Variants in NLRP12 observed in about 807,000 individuals in gnomAD.
The protein encoded by NLRP12 is NLR family pyrin domain containing 12, also known as NACHT, LRR and PYD domains-containing protein 12.
In NLRP12, 108 loss-of-function variants were observed where a neutral mutation model predicts 91.2. The ratio of observed to expected loss-of-function variants is 1.18; its 90% confidence interval spans 1.01 to 1.39. The LOEUF (loss-of-function observed/expected upper bound fraction) is 1.39. NLRP12 is among the 40% of genes most tolerant of loss of function. The pLI, the probability that NLRP12 is intolerant of heterozygous loss-of-function variation, is 0.00. For synonymous variants in NLRP12, 613 were observed against 566.7 expected, an observed-to-expected ratio of 1.08 and a Z score of -1.16; for missense variants, 1,530 against 1,352.7, an observed-to-expected ratio of 1.13 and a Z score of -2.06.
chr19:53,805,232 C>A, intron 5 of NLRP12, 48 bp downstream of exon 5: 1 of 1,574,096 alleles, frequency 6.4e-7, no homozygotes, highest in South Asian at 1.1e-5. Flanking sequence ...ATTTCATGCC[C>A]CAGGAGACAA....
rs1487798891 is a variant in NLRP12, at chr19:53,796,005, G to A, written c.2952C>T (p.Ala984=). Residue 984 remains alanine (A), a synonymous_variant, in exon 9 of 10, where the codon GCC becomes GCT. Coordinates refer to ENST00000324134, the MANE Select transcript of NLRP12 (RefSeq NM_144687.4). ...KLWLDSCGLT[A]KACENLYFTL... is the part of the protein sequence containing the mutation. ...TGAAGTAAAGATTCTCACAAGCCTT[G>A]GCTGTGAGGCCACAGCTATCCAGCC... The A allele has an allele frequency of 3.7e-6, 6 of 1,613,998 alleles. No homozygotes were observed. Among genetic ancestry groups the A allele is most frequent in the Non-Finnish European group, 5.1e-6 (6 of 1,180,014 alleles).
rs776232316 is a variant in NLRP12 at position 53,810,627 on chromosome 19, G to A, written c.1032C>T (p.Pro344=). 7.4e-6 allele frequency: 12 copies of A among 1,614,062 alleles called. No individual in the cohort carries two copies. Among genetic ancestry groups the A allele is most frequent in the Non-Finnish European group, 1.0e-5 (12 of 1,180,018 alleles). ...GACGGTGGAGCTTCTCCAAAGCCGT[G>A]GGCCGTGTGGTGATGAGCAAAGATA... ...PELSLLITTR[P]TALEKLHRLL... The change falls in exon 3 of 10, where the codon CCC becomes CCT. Residue 344 remains proline (P), a synonymous_variant. Coordinates refer to ENST00000324134, the MANE Select transcript of NLRP12 (RefSeq NM_144687.4).
intron 1 of NLRP12, among the ~76,000 whole-genome samples, chr19:53,820,230 A>T (rs911392416): frequency 6.6e-6 from 1 of 152,076 alleles, no homozygotes; most frequent in African/African-American, 2.4e-5. Context: ...GAGAAATTAC[A>T]TTAAAAACCA....
At chr19:53,809,541 ACAC>A in intron 3 of NLRP12, 43 bp downstream of exon 3, 117 of 1,425,402 alleles carry the variant, frequency 8.2e-5, no homozygotes, top group Non-Finnish European at 1.0e-4. Context: ...AAAAAAAAAA[ACAC>A]ACGAACCTAA....
Position 53,794,004 on chromosome 19 carries a change from C to G in NLRP12, c.*45G>C. The G allele has an allele frequency of 7.3e-7, 1 of 1,360,822 alleles. No homozygotes were observed. The highest frequency in any genetic ancestry group is 1.1e-6 in the Non-Finnish European group (1 of 948,980). The allele number at this position is 1,360,822 out of a possible 1,614,324, so 84.3% of individuals were successfully genotyped here. The stretch of plus-strand genomic sequence containing the variant: ...GGGGGGGTGATGAGCACCCTCCCAT[C>G]TTCCTCTGTCCAGATCTCAGGGGAG... On this transcript the variant is annotated 3_prime_UTR_variant, in exon 10 of 10. Coordinates refer to ENST00000324134, the MANE Select transcript of NLRP12 (RefSeq NM_144687.4).
rs1287936558 is a variant in NLRP12 at position 53,819,349 on chromosome 19, A to G, written c.290-4361T>C. The stretch of plus-strand genomic sequence containing the variant: ...AACCTCCGCCTCCCGGGTTCAAGTG[A>G]TTCTCCTGCCTCAGCCTCCCAAGTA... On this transcript the variant is annotated intron_variant, in intron 1 of 9. Coordinates refer to ENST00000324134, the MANE Select transcript of NLRP12 (RefSeq NM_144687.4). Among the ~76,000 whole-genome samples, 9 of 140,382 alleles carry G rather than the reference A, an allele frequency of 6.4e-5. No homozygotes were observed. The Admixed American group carries it at 6.8e-4, about 11-fold the overall frequency. 92.1% of individuals were successfully genotyped at this position (140,382 alleles called of 152,430 possible).
In NLRP12 at chr19:53,802,557, A is replaced by G. The variant is rs1011383571; in HGVS notation, c.2586-1160T>C. Among the ~76,000 whole-genome samples the G allele has an allele frequency of 2.6e-5, 4 of 151,944 alleles. No individual in the cohort carries two copies. The East Asian group carries it at 7.9e-4, about 30-fold the overall frequency. ...CCCGTCTCTACTAAAAATACAAAAA[A>G]TTAGCCAAGCGTGGTGGCAGGCGCC... On this transcript the variant is annotated intron_variant, in intron 6 of 9. Transcript: ENST00000324134.
At chr19:53,800,117 G>A (rs972283993) in intron 7 of NLRP12, among the ~76,000 whole-genome samples, 7 of 152,140 alleles carry the variant, frequency 4.6e-5, no homozygotes, top group South Asian at 2.1e-4. Context: ...TGGCTAACAC[G>A]GTGAAACCCC....
intron 2 of NLRP12, among the ~76,000 whole-genome samples, chr19:53,814,090 C>A (rs2092121018): frequency 6.6e-6 from 1 of 152,152 alleles, no homozygotes; most frequent in South Asian, 2.1e-4. Flanking sequence ...GTCTACCCAG[C>A]AGACTGTACC....
chr19:53,794,408 C>T (rs1041500622), intron 9 of NLRP12, among the ~76,000 whole-genome samples: 3 of 149,928 alleles, frequency 2.0e-5, no homozygotes, highest in Admixed American at 1.3e-4. Context: ...CAACCTCCAC[C>T]TCCCAGGTTC....
chr19:53,815,855 C>CG (rs1417332745), intron 1 of NLRP12, among the ~76,000 whole-genome samples: 93 of 152,090 alleles, frequency 6.1e-4, no homozygotes, highest in African/African-American at 2.1e-3. Context: ...CGTGATCCAC[C>CG]CAACTCGGCC....
intron 6 of NLRP12, among the ~76,000 whole-genome samples, chr19:53,802,335 CAAT>C (rs765424939): frequency 1.2e-4 from 18 of 152,080 alleles, no homozygotes; most frequent in Non-Finnish European, 2.2e-4. Flanking sequence ...TGCTCAATCT[CAAT>C]AATCATTGGG....
chr19:53,806,679 C>CAAA (rs58275455), intron 4 of NLRP12, among the ~76,000 whole-genome samples: 13 of 43,380 alleles, frequency 3.0e-4, no homozygotes, highest in African/African-American at 5.4e-4. Flanking sequence ...GACTCCGTCT[C>CAAA]AAAAAAAAAA....
chr19:53,807,559 T>C lies in NLRP12; in HGVS notation c.2179A>G (p.Ser727Gly). 6.2e-7 allele frequency: 1 copy of C among 1,614,162 alleles called. No individual in the cohort carries two copies. The highest frequency in any genetic ancestry group is 8.5e-7 in the Non-Finnish European group (1 of 1,180,020). The change falls in exon 4 of 10, where the codon AGC (serine) becomes GGC (glycine). Residue 727 changes from serine to glycine, a missense_variant. Physicochemically the swap from Ser to Gly is moderately conservative, Grantham distance 56. Transcript: ENST00000324134. ...ELSLYRNALG[S>G]RGVKLLCQGL... ...TGACAGAGCAGCTTCACCCCCCGGC[T>C]GCCCAGGGCATTTCGGTACAGAGAC...
At position 53,809,971 on chromosome 19, in the gene NLRP12, A is replaced by AG. The variant is rs1346337936; in HGVS notation, c.1687dup (p.Leu563ProfsTer141). ...GGTCTCCTCGTTCAGGAGTCCAAACAGGAAGCGGCTGGTGAGTGCCAGGAA... is the reference window on the plus strand; with the variant it reads ...GGTCTCCTCGTTCAGGAGTCCAAACAGGGAAGCGGCTGGTGAGTGCCAGGAA... On this transcript the variant is annotated frameshift_variant, in exon 3 of 10. Coordinates refer to ENST00000324134, the MANE Select transcript of NLRP12 (RefSeq NM_144687.4). LOFTEE classifies it high-confidence loss of function. 6.2e-7 allele frequency: 1 copy of AG among 1,614,132 alleles called. No homozygotes were observed. The highest frequency in any genetic ancestry group is 1.3e-5 in the African/African-American group (1 of 75,042).
intron 1 of NLRP12, among the ~76,000 whole-genome samples, chr19:53,820,624 A>G (rs1184040271): frequency 2.0e-5 from 3 of 152,064 alleles, no homozygotes; most frequent in Non-Finnish European, 4.4e-5. Context: ...CAGGCGGATC[A>G]CTTCAGCCCA....
rs567381938 is a variant in NLRP12 at position 53,815,908 on chromosome 19, C to T, written c.290-920G>A. ...TACAGGCGTGAGCCACTGCGCCTGG[C>T]GACTCTGTCTCTTAAAAATATTTTA... On this transcript the variant is annotated intron_variant, in intron 1 of 9. Transcript: ENST00000324134. Among the ~76,000 whole-genome samples, 15 of 151,724 alleles carry T rather than the reference C, an allele frequency of 9.9e-5. No individual in the cohort carries two copies. In the East Asian group the frequency reaches 2.1e-3, roughly 22 times the overall value.
chr19:53,801,360 C>A lies in NLRP12; in HGVS notation c.2623G>T (p.Glu875Ter). The change falls in exon 7 of 10, where the codon GAG becomes TAG. Residue 875 changes from glutamate to a stop codon, truncating the protein, a stop_gained. Transcript: ENST00000324134. LOFTEE classifies it high-confidence loss of function. ...TTCACACTGAGAGTTGAGGCCAGCT[C>A]GTCACAGGCAGCAGCAGTGAGGCGG... ...ICRLTAAACDELASTLSVNQS... is the reference protein window; with the variant it reads ...ICRLTAAACD 1 of 1,613,816 alleles carries A rather than the reference C, an allele frequency of 6.2e-7. No homozygotes were observed. The highest frequency in any genetic ancestry group is 1.1e-5 in the South Asian group (1 of 91,072).
intron 7 of NLRP12, among the ~76,000 whole-genome samples, chr19:53,800,392 C>T (rs1188967190): frequency 6.6e-6 from 1 of 152,060 alleles, no homozygotes; most frequent in African/African-American, 2.4e-5. Flanking sequence ...TGGCTTCAGC[C>T]CAGGATGTCG....
Sources: gnomAD v4.1 joint callset for allele counts (sites outside exome capture counted in the v4.1 genomes callset) on GRCh38, gnomAD v4.1.1 for gene constraint, MANE v1.5 for transcripts, NCBI Gene and HGNC (gene_info 2026-07-23, HGNC 2026-07-21) for gene names.